Variants in BCAT1 observed in about 807,000 individuals in gnomAD.
The protein encoded by BCAT1 is branched-chain-amino-acid aminotransferase, cytosolic.
BCAT1 carries 48 observed loss-of-function variants against 52.4 expected under a neutral mutation model. That is an observed-to-expected ratio of 0.92 (90% confidence interval 0.73 to 1.16). The LOEUF (loss-of-function observed/expected upper bound fraction) is 1.16. Among genes scored for constraint, BCAT1 ranks in the 50% most tolerant of loss-of-function variants. BCAT1 has a pLI of 0.00. For synonymous variants in BCAT1, 167 were observed against 161.3 expected (o/e 1.04, Z -0.27); for missense variants, 451 against 457.1 (o/e 0.99, Z 0.12).
At chr12:24,884,930 C>T (rs1380345171) in intron 3 of BCAT1, among the ~76,000 whole-genome samples, 3 of 151,888 alleles carry the variant, frequency 2.0e-5, no homozygotes, top group African/African-American at 7.3e-5. Flanking sequence ...AACTAAAAAA[C>T]AAAGATAACT....
chr12:24,835,567 A>T (rs201524536), intron 8 of BCAT1, among the ~76,000 whole-genome samples: 1 of 89,130 alleles, frequency 1.1e-5, no homozygotes, highest in Non-Finnish European at 3.2e-5. Context: ...TTATTTATTT[A>T]TTTATTTATT....
chr12:24,908,318 A>T (rs1466952440), intron 1 of BCAT1, among the ~76,000 whole-genome samples: 2 of 152,370 alleles, frequency 1.3e-5, no homozygotes, highest in Non-Finnish European at 2.9e-5. Flanking sequence ...TTCTGTGCTG[A>T]TGGAAACGTT....
At chr12:24,899,786 A>T (rs1483347719) in intron 2 of BCAT1, among the ~76,000 whole-genome samples, 1 of 151,868 alleles carries the variant, frequency 6.6e-6, no homozygotes, top group Non-Finnish European at 1.5e-5. Context: ...AGAAAAAAAA[A>T]AAAACCCAGA....
At chr12:24,847,183 G>C (rs1239015910) in intron 6 of BCAT1, among the ~76,000 whole-genome samples, 2 of 152,194 alleles carry the variant, frequency 1.3e-5, no homozygotes, top group South Asian at 4.1e-4. Context: ...AGGCAATTAG[G>C]TTGGTTTGTT....
At chr12:24,852,162 A>T (rs962903545) in intron 5 of BCAT1, among the ~76,000 whole-genome samples, 1 of 152,048 alleles carries the variant, frequency 6.6e-6, no homozygotes, top group African/African-American at 2.4e-5. Flanking sequence ...CTTCCACTGT[A>T]TGTTTCCTGA....
chr12:24,846,232 GT>G (rs1417095115), intron 6 of BCAT1, among the ~76,000 whole-genome samples: 12 of 152,282 alleles, frequency 7.9e-5, no homozygotes, highest in African/African-American at 2.9e-4. Context: ...TTATGTTTAA[GT>G]TTTAATTGAT....
chr12:24,940,279 G>A lies in BCAT1; in HGVS notation c.6+8648C>T, dbSNP rs1413805761. On this transcript the variant is annotated intron_variant, in intron 1 of 10. Transcript: ENST00000261192. Reference sequence around the variant, plus strand: ...AATCTATTGCAAACTATGCAGTTACGTTAATATGGTTAAAACAATCCCTCA... The same window carrying A: ...AATCTATTGCAAACTATGCAGTTACATTAATATGGTTAAAACAATCCCTCA... 2.6e-5 allele frequency among the ~76,000 whole-genome samples: 4 copies of A among 152,100 alleles called. No homozygotes were observed. In the South Asian group the frequency reaches 8.3e-4, roughly 32 times the overall value.
chr12:24,910,179 A>G (rs1465147684), intron 1 of BCAT1, among the ~76,000 whole-genome samples: 9 of 151,954 alleles, frequency 5.9e-5, no homozygotes, highest in African/African-American at 1.9e-4. Flanking sequence ...TTCGAGACCA[A>G]CCTGGCCAAC....
chr12:24,925,641 C>T (rs1270642952), intron 1 of BCAT1, among the ~76,000 whole-genome samples: 3 of 152,112 alleles, frequency 2.0e-5, no homozygotes, highest in Admixed American at 2.0e-4. Flanking sequence ...TGATGCCAAG[C>T]CGAAGCTGGA....
chr12:24,902,550 G>T, intron 1 of BCAT1: 1 of 505,386 alleles, frequency 2.0e-6, no homozygotes, highest in East Asian at 6.9e-5. Flanking sequence ...GAGGCAGAAG[G>T]CTGCGGTCAA....
chr12:24,836,733 C>A, intron 7 of BCAT1, 137 bp from the exon 8 acceptor site: 4 of 608,948 alleles, frequency 6.6e-6, no homozygotes, highest in East Asian at 3.1e-5. Flanking sequence ...TCTGCATGAT[C>A]AAATTTCCCA....
intron 1 of BCAT1, among the ~76,000 whole-genome samples, chr12:24,910,306 G>A (rs187032293): frequency 0.016 from 2,436 of 152,098 alleles, 43 homozygotes; most frequent in South Asian, 0.034. Flanking sequence ...GAACCCAGGA[G>A]GTGGAGGTTG....
chr12:24,923,789 A>C (rs1943537398), intron 1 of BCAT1, among the ~76,000 whole-genome samples: 1 of 152,174 alleles, frequency 6.6e-6, no homozygotes, highest in South Asian at 2.1e-4. Flanking sequence ...CCAAAGTAAC[A>C]CACCTGTCTG....
intron 9 of BCAT1, chr12:24,830,300 G>A (rs1478632201): frequency 6.4e-6 from 1 of 156,682 alleles, no homozygotes; most frequent in East Asian, 1.8e-4. Context: ...TGGCTAATAT[G>A]AGAACTCAAA....
intron 2 of BCAT1, among the ~76,000 whole-genome samples, chr12:24,894,725 C>T (rs1436644480): frequency 2.6e-5 from 4 of 152,036 alleles, no homozygotes; most frequent in Non-Finnish European, 5.9e-5. Flanking sequence ...AGAAGAGGGA[C>T]AAAATAGCAG....
At chr12:24,829,248 G>T (rs1259403329) in intron 10 of BCAT1, among the ~76,000 whole-genome samples, 2 of 150,194 alleles carry the variant, frequency 1.3e-5, no homozygotes, top group African/African-American at 2.5e-5. Flanking sequence ...GCTGGGCATG[G>T]TGGCGCACAC....
At chr12:24,859,495 C>T (rs1293568541) in intron 5 of BCAT1, among the ~76,000 whole-genome samples, 1 of 150,792 alleles carries the variant, frequency 6.6e-6, no homozygotes, top group Non-Finnish European at 1.5e-5. Context: ...GTGGCGGGTG[C>T]CTGTAGTCCC....
chr12:24,917,195 C>CTTT (rs60491814), intron 1 of BCAT1, among the ~76,000 whole-genome samples: 1,152 of 103,450 alleles, frequency 0.011, 45 homozygotes, highest in East Asian at 0.029. Context: ...GAGCTTTGGA[C>CTTT]TTTTTTTTTT....
intron 3 of BCAT1, among the ~76,000 whole-genome samples, chr12:24,881,762 C>T (rs578198552): frequency 6.6e-6 from 1 of 152,156 alleles, no homozygotes; most frequent in African/African-American, 2.4e-5. Context: ...CAATGGAGAT[C>T]GAAACCAAAG....
Sources: allele counts gnomAD v4.1 joint callset (sites outside exome capture counted in the v4.1 genomes callset), GRCh38; gene constraint gnomAD v4.1.1; transcripts MANE v1.5; gene names NCBI Gene and HGNC (gene_info 2026-07-23, HGNC 2026-07-21).